PTPRT: variants seen among roughly 807,000 people sequenced by gnomAD.
PTPRT encodes the protein receptor-type tyrosine-protein phosphatase T.
In PTPRT, 56 loss-of-function variants were observed where a neutral mutation model predicts 176.8. That is an observed-to-expected ratio of 0.32 (90% CI 0.26 to 0.40). The LOEUF is 0.40. Among genes scored for constraint, PTPRT ranks in the 10% least tolerant of loss-of-function variants. The pLI, the probability that PTPRT is intolerant of heterozygous loss-of-function variation, is 1.00. For missense variants in PTPRT, 1,540 were observed against 1,908.2 expected (o/e 0.81, Z 3.60); for synonymous variants, 783 against 739.0 (o/e 1.06, Z -0.96).
chr20:42,829,207 C>CTATTT (rs1555922559), intron 2 of PTPRT, among the ~76,000 whole-genome samples: 2 of 152,076 alleles, frequency 1.3e-5, no homozygotes, highest in Non-Finnish European at 2.9e-5. Context: ...CTGCCTGATT[C>CTATTT]TAGATTTGCA....
intron 1 of PTPRT, among the ~76,000 whole-genome samples, chr20:42,939,354 C>T (rs1310439537): frequency 6.6e-6 from 1 of 152,220 alleles, no homozygotes; most frequent in Non-Finnish European, 1.5e-5. Context: ...CTCCCGCCAT[C>T]TCAGCCCATG....
intron 1 of PTPRT, among the ~76,000 whole-genome samples, chr20:42,919,941 T>C (rs1979034437): frequency 2.6e-5 from 4 of 152,240 alleles, no homozygotes; most frequent in Admixed American, 2.6e-4. Context: ...AGCTTAACTG[T>C]TGACTTCAGA....
At position 42,282,536 on chromosome 20, in the gene PTPRT, CA is replaced by C; in HGVS notation, c.2140-12del. The C allele has an allele frequency of 6.2e-7, 1 of 1,600,486 alleles. No homozygotes were observed. The highest frequency in any genetic ancestry group is 8.5e-7 in the Non-Finnish European group (1 of 1,172,628). On this transcript the variant is annotated splice_polypyrimidine_tract_variant and intron_variant, in intron 12 of 30. Transcript: ENST00000373187. ...GTTGATTTTGGTCTCCTGTGAACAA[CA>C]AAAATGAGATGCCAATTAATTAGCT... is the stretch of plus-strand genomic sequence containing the variant.
chr20:42,261,576 C>G (rs1188755660), intron 13 of PTPRT, among the ~76,000 whole-genome samples: 1 of 151,980 alleles, frequency 6.6e-6, no homozygotes, highest in Non-Finnish European at 1.5e-5. Context: ...AATGCAAACT[C>G]TAAAAGGGTT....
At chr20:42,110,550 C>G (rs986910406) in intron 22 of PTPRT, 63 bp from the exon 23 acceptor site, 2 of 1,519,802 alleles carry the variant, frequency 1.3e-6, no homozygotes, top group African/African-American at 2.8e-5. Context: ...CCCAGCAACA[C>G]GTGGAGCCAT....
intron 6 of PTPRT, among the ~76,000 whole-genome samples, chr20:42,739,665 C>A (rs2076580209): frequency 1.3e-5 from 2 of 152,300 alleles, no homozygotes; most frequent in South Asian, 4.1e-4. Context: ...TAGTTCTGAA[C>A]ATATTTAGTT....
At chr20:43,146,613 G>A (rs75954860) in intron 1 of PTPRT, among the ~76,000 whole-genome samples, 4,627 of 152,090 alleles carry the variant, frequency 0.03, 244 homozygotes, top group African/African-American at 0.11. Flanking sequence ...CTGCAGTGGT[G>A]TAGAAACAAA....
At chr20:42,201,768 C>A (rs947989126) in intron 15 of PTPRT, among the ~76,000 whole-genome samples, 7 of 148,858 alleles carry the variant, frequency 4.7e-5, no homozygotes, top group Non-Finnish European at 8.9e-5. Context: ...CCTGACTACA[C>A]CTTATGCCCT....
intron 2 of PTPRT, among the ~76,000 whole-genome samples, chr20:42,870,804 C>A (rs1477615102): frequency 1.3e-5 from 2 of 152,122 alleles, no homozygotes; most frequent in Non-Finnish European, 2.9e-5. Flanking sequence ...AAACAATGTA[C>A]AAAGGTTCCA....
chr20:42,203,323 AT>A (rs1214110365), intron 15 of PTPRT, among the ~76,000 whole-genome samples: 1 of 152,184 alleles, frequency 6.6e-6, no homozygotes, highest in African/African-American at 2.4e-5. Context: ...CTACCTCATT[AT>A]TTTTCTCTCT....
intron 1 of PTPRT, among the ~76,000 whole-genome samples, chr20:42,902,514 G>A (rs1331546859): frequency 6.6e-6 from 1 of 152,164 alleles, no homozygotes; most frequent in Non-Finnish European, 1.5e-5. Flanking sequence ...CCCCAGAAGA[G>A]AACATCCTGA....
chr20:43,120,085 G>T (rs956949447), intron 1 of PTPRT, among the ~76,000 whole-genome samples: 4 of 152,168 alleles, frequency 2.6e-5, no homozygotes, highest in Non-Finnish European at 5.9e-5. Flanking sequence ...GGGATTATAG[G>T]TGTGAGATAC....
chr20:42,785,851 T>G (rs1309518691), intron 3 of PTPRT, among the ~76,000 whole-genome samples: 1 of 152,118 alleles, frequency 6.6e-6, no homozygotes, highest in African/African-American at 2.4e-5. Flanking sequence ...CCTCCCTTCC[T>G]CCCTTCCTTC....
chr20:42,937,502 A>G (rs1427489179), intron 1 of PTPRT, among the ~76,000 whole-genome samples: 2 of 152,208 alleles, frequency 1.3e-5, no homozygotes, highest in Non-Finnish European at 2.9e-5. Flanking sequence ...GCCCCCTCCA[A>G]TGTTACAGCT....
chr20:42,586,520 G>A (rs1421395054), intron 7 of PTPRT, among the ~76,000 whole-genome samples: 6 of 152,148 alleles, frequency 3.9e-5, no homozygotes, highest in Non-Finnish European at 7.4e-5. Context: ...TCCTCCACCA[G>A]AGCCTGCATT....
At chr20:42,536,087 T>C (rs972255585) in intron 7 of PTPRT, among the ~76,000 whole-genome samples, 2 of 152,054 alleles carry the variant, frequency 1.3e-5, no homozygotes, top group Admixed American at 6.5e-5. Flanking sequence ...CAGAAACGAA[T>C]GCTGCACCAA....
intron 11 of PTPRT, among the ~76,000 whole-genome samples, chr20:42,344,242 G>A (rs1018873399): frequency 6.6e-6 from 1 of 152,184 alleles, no homozygotes; most frequent in Non-Finnish European, 1.5e-5. Context: ...AATTTACACA[G>A]TTTAGCTTAT....
At chr20:42,898,794 G>A (rs1170162383) in intron 1 of PTPRT, among the ~76,000 whole-genome samples, 2 of 151,944 alleles carry the variant, frequency 1.3e-5, no homozygotes, top group African/African-American at 2.4e-5. Context: ...CTGTGACCAA[G>A]GAGAAAGTGC....
intron 1 of PTPRT, among the ~76,000 whole-genome samples, chr20:43,123,326 T>C (rs1182316857): frequency 1.3e-5 from 2 of 152,210 alleles, no homozygotes; most frequent in Non-Finnish European, 2.9e-5. Context: ...TTGAAACACT[T>C]TCCACACTAG....
Sources: allele counts gnomAD v4.1 joint callset (sites outside exome capture counted in the v4.1 genomes callset), GRCh38; gene constraint gnomAD v4.1.1; transcripts MANE v1.5; gene names NCBI Gene and HGNC (gene_info 2026-07-23, HGNC 2026-07-21).